Variants in EMCN observed in about 807,000 individuals in gnomAD.
EMCN encodes the protein endomucin.
Under a neutral mutation model 38.4 loss-of-function variants are expected in EMCN, and 37 were observed. The ratio of observed to expected loss-of-function variants is 0.96; its 90% CI spans 0.74 to 1.27. EMCN has a LOEUF of 1.27. Among genes scored for constraint, EMCN ranks in the 50% most tolerant of loss-of-function variants. The probability of loss-of-function intolerance (pLI) is 0.00; values close to 1 mark genes in which losing one functional copy is unlikely to be tolerated. For synonymous variants in EMCN, 95 were observed against 100.8 expected (o/e 0.94, Z 0.35); for missense variants, 318 against 302.8 (o/e 1.05, Z -0.37).
intron 1 of EMCN, among the ~76,000 whole-genome samples, chr4:100,492,672 ACAT>A (rs138861041): frequency 0.012 from 1,787 of 152,336 alleles, 39 homozygotes; most frequent in African/African-American, 0.041. Context: ...GATAAAAAAC[ACAT>A]CATATATAAA....
chr4:100,480,050 T>C lies in EMCN; in HGVS notation c.65-11A>G. ...CTGCCTCTAAAACACCTGAAAAAAG[T>C]AAAGTAGTTGCATTAACATTTACAT... On this transcript the variant is annotated splice_polypyrimidine_tract_variant and intron_variant, in intron 1 of 11. Coordinates refer to ENST00000296420, the MANE Select transcript of EMCN (RefSeq NM_016242.4). 1 of 1,603,324 alleles carries C rather than the reference T, an allele frequency of 6.2e-7. No individual in the cohort carries two copies. The highest frequency in any genetic ancestry group is 1.1e-5 in the South Asian group (1 of 89,066).
At chr4:100,474,595 G>T (rs1728582099) in intron 3 of EMCN, among the ~76,000 whole-genome samples, 1 of 152,160 alleles carries the variant, frequency 6.6e-6, no homozygotes, top group Non-Finnish European at 1.5e-5. Context: ...TAGAAACAAT[G>T]CAGATGTTCA....
chr4:100,516,354 G>A (rs374137935), intron 1 of EMCN, among the ~76,000 whole-genome samples: 1 of 151,874 alleles, frequency 6.6e-6, no homozygotes, highest in African/African-American at 2.4e-5. Context: ...TAACAATGCC[G>A]GCAAAGTATT....
At chr4:100,475,659 C>CTGTTTTTTTTTTT in intron 2 of EMCN, among the ~76,000 whole-genome samples, 1 of 60,314 alleles carries the variant, frequency 1.7e-5, no homozygotes, top group Non-Finnish European at 2.8e-5. Flanking sequence ...AATTCTAGTC[C>CTGTTTTTTTTTTT]TTTTTTTTTT....
At chr4:100,433,912 T>G (rs1245664200) in intron 5 of EMCN, among the ~76,000 whole-genome samples, 1 of 152,032 alleles carries the variant, frequency 6.6e-6, no homozygotes, top group Admixed American at 6.6e-5. Context: ...TTCCCCTGGC[T>G]GATAAAAGCT....
intron 1 of EMCN, among the ~76,000 whole-genome samples, chr4:100,499,995 T>C (rs1292857326): frequency 6.6e-6 from 1 of 152,140 alleles, no homozygotes; most frequent in African/African-American, 2.4e-5. Flanking sequence ...AGCTTAAAAG[T>C]GTAAAGTATA....
chr4:100,442,362 T>C (rs1307337531), intron 5 of EMCN, among the ~76,000 whole-genome samples: 1 of 152,214 alleles, frequency 6.6e-6, no homozygotes, highest in African/African-American at 2.4e-5. Context: ...TAATGTGCCT[T>C]AGAGAGGATC....
At chr4:100,462,419 A>G (rs1333703690) in intron 4 of EMCN, among the ~76,000 whole-genome samples, 1 of 152,150 alleles carries the variant, frequency 6.6e-6, no homozygotes, top group Non-Finnish European at 1.5e-5. Context: ...TGGGCTGACC[A>G]CATACTTCTG....
intron 1 of EMCN, among the ~76,000 whole-genome samples, chr4:100,503,809 T>C (rs1729409872): frequency 6.6e-6 from 1 of 152,212 alleles, no homozygotes; most frequent in South Asian, 2.1e-4. Flanking sequence ...TTTATTTTCC[T>C]AATTATAATA....
chr4:100,479,720 T>A (rs945919884), intron 2 of EMCN, among the ~76,000 whole-genome samples, 197 bp downstream of exon 2: 3 of 151,972 alleles, frequency 2.0e-5, no homozygotes, highest in Admixed American at 6.6e-5. Context: ...CCAAAGAATA[T>A]CAACAAAGCG....
At chr4:100,480,087 A>C (rs751094913) in intron 1 of EMCN, 48 bp from the exon 2 acceptor site, 11 of 1,538,258 alleles carry the variant, frequency 7.2e-6, no homozygotes, top group Non-Finnish European at 9.7e-6. Flanking sequence ...TAGTTTGCCA[A>C]TTAATAGACT....
At chr4:100,485,035 T>C (rs909133135) in intron 1 of EMCN, among the ~76,000 whole-genome samples, 5 of 152,110 alleles carry the variant, frequency 3.3e-5, no homozygotes, top group African/African-American at 1.2e-4. Context: ...GGAAGGAAGG[T>C]TTAAACTCTT....
rs1560608485 is a variant in EMCN, at chr4:100,422,813, C to CTTTCTTTCTTTT, written c.568+207_568+208insAAAAGAAAGAAA. 5.3e-3 allele frequency among the ~76,000 whole-genome samples: 691 copies of CTTTCTTTCTTTT among 129,862 alleles called. 6 individuals carry two copies. The highest frequency in any genetic ancestry group is 0.013 in the Middle Eastern group (3 of 240). 85.2% of individuals were successfully genotyped at this position (129,862 alleles called of 152,430 possible). A position where few individuals can be genotyped will look rare whatever the true frequency, so the allele number is the denominator to read the frequency against. On this transcript the variant is annotated intron_variant, in intron 7 of 11. Transcript: ENST00000296420. The stretch of plus-strand genomic sequence containing the variant: ...CCTCTTCTGTTTTCTTTCTTTCTTT[C>CTTTCTTTCTTTT]TTTCTTTTCTTTTTTTTTTTTTTTG...
intron 3 of EMCN, among the ~76,000 whole-genome samples, chr4:100,468,826 T>C (rs1013438439): frequency 1.3e-4 from 20 of 151,948 alleles, no homozygotes; most frequent in African/African-American, 4.1e-4. Context: ...CAAATCAATA[T>C]ATAGATTTTT....
At chr4:100,449,692 G>C (rs1363234879) in intron 4 of EMCN, among the ~76,000 whole-genome samples, 2 of 151,878 alleles carry the variant, frequency 1.3e-5, no homozygotes, top group African/African-American at 4.8e-5. Flanking sequence ...AATTATTTTA[G>C]CCTTCAAAAA....
chr4:100,435,316 A>G (rs1316166867), intron 5 of EMCN, among the ~76,000 whole-genome samples: 16 of 152,174 alleles, frequency 1.1e-4, no homozygotes. Context: ...TAAAACTAAC[A>G]AGGGAAGCAA....
intron 2 of EMCN, among the ~76,000 whole-genome samples, chr4:100,475,471 A>T (rs1323688405): frequency 1.3e-5 from 2 of 151,682 alleles, no homozygotes; most frequent in Non-Finnish European, 2.9e-5. Context: ...GAGAAAAGTG[A>T]CATGGTCAAT....
intron 1 of EMCN, among the ~76,000 whole-genome samples, chr4:100,515,106 GGT>G (rs1729719709): frequency 6.6e-6 from 1 of 152,022 alleles, no homozygotes; most frequent in African/African-American, 2.4e-5. Flanking sequence ...TAAAGAAAAT[GGT>G]GTTTGTCCCT....
chr4:100,486,433 CT>C lies in EMCN; in HGVS notation c.65-6395del, dbSNP rs540026793. Among the ~76,000 whole-genome samples the C allele has an allele frequency of 3.2e-4, 48 of 152,280 alleles. No homozygotes were observed. In the South Asian group the frequency reaches 9.9e-3, roughly 32 times the overall value. On this transcript the variant is annotated intron_variant, in intron 1 of 11. Coordinates refer to ENST00000296420, the MANE Select transcript of EMCN (RefSeq NM_016242.4). ...GAAAACATCAGAGCTAGGGGCAACT[CT>C]TGTAAAAGAAGCTTTTAAATTTAAA...
Sources: gnomAD v4.1 joint callset for allele counts (sites outside exome capture counted in the v4.1 genomes callset) on GRCh38, gnomAD v4.1.1 for gene constraint, MANE v1.5 for transcripts, NCBI Gene and HGNC (gene_info 2026-07-23, HGNC 2026-07-21) for gene names.